The following USH2A variants were observed in gnomAD, a reference collection of about 807,000 sequenced individuals.
USH2A encodes Usher syndrome 2A (autosomal recessive, mild).
Under a neutral mutation model 538.9 loss-of-function variants are expected in USH2A, and 443 were observed. That is an observed-to-expected ratio of 0.82 (90% CI 0.76 to 0.89). The LOEUF (loss-of-function observed/expected upper bound fraction) is 0.89, where lower values mean the gene tolerates loss of function less well. USH2A is among the 40% of genes least tolerant of loss of function. The probability of loss-of-function intolerance (pLI) is 0.00; values close to 1 mark genes in which losing one functional copy is unlikely to be tolerated. For synonymous variants in USH2A, 2,413 were observed against 2,273.5 expected, an observed-to-expected ratio of 1.06 and a Z score of -1.75; for missense variants, 6,633 against 6,324.8, an observed-to-expected ratio of 1.05 and a Z score of -1.65.
At chr1:216,402,372 CAT>C (rs1341649711) in intron 3 of USH2A, among the ~76,000 whole-genome samples, 1 of 151,986 alleles carries the variant, frequency 6.6e-6, no homozygotes, top group Non-Finnish European at 1.5e-5. Flanking sequence ...ATTTCAAAAA[CAT>C]AGAACTGAAT....
Position 216,377,791 on chromosome 1 carries a change from GAGAAGGAAAGAAATAA to G in USH2A, c.652-12722_652-12707del, listed in dbSNP as rs777756490. Reference sequence around the variant, plus strand: ...AAGGAAAGAAATAAAAAGAAAGAAAGAGAAGGAAAGAAATAAAAAGAAAGAAAGAAAGAAAGAAAGA... The same window carrying G: ...AAGGAAAGAAATAAAAAGAAAGAAAGAAAGAAAGAAAGAAAGAAAGAAAGA... On this transcript the variant is annotated intron_variant, in intron 3 of 71. Transcript: ENST00000307340. 4.9e-3 allele frequency among the ~76,000 whole-genome samples: 114 copies of G among 23,188 alleles called. 1 individual carries two copies. The highest frequency in any genetic ancestry group is 0.042 in the East Asian group (11 of 260). The allele number at this position is 23,188 out of a possible 152,430, so 15.2% of individuals were successfully genotyped here.
chr1:215,692,537 T>C (rs970421551), intron 61 of USH2A, among the ~76,000 whole-genome samples: 2 of 152,112 alleles, frequency 1.3e-5, no homozygotes, highest in African/African-American at 4.8e-5. Context: ...GGCAAACTGA[T>C]ATGGGTGTGC....
At chr1:215,955,689 A>C (rs1050393787) in intron 37 of USH2A, among the ~76,000 whole-genome samples, 23 of 152,006 alleles carry the variant, frequency 1.5e-4, no homozygotes, top group African/African-American at 5.3e-4. Flanking sequence ...TTTTTTTCAT[A>C]AATAGCCCAC....
chr1:215,948,425 G>GATATATATATAT (rs143122492), intron 37 of USH2A, among the ~76,000 whole-genome samples: 10 of 144,598 alleles, frequency 6.9e-5, no homozygotes, highest in African/African-American at 1.5e-4. Context: ...TATTTGTTCA[G>GATATATATATAT]ATATATATAT....
chr1:216,411,653 G>A (rs1056803850), intron 3 of USH2A, among the ~76,000 whole-genome samples: 2 of 152,086 alleles, frequency 1.3e-5, no homozygotes, highest in East Asian at 1.9e-4. Flanking sequence ...TCTTTTCTGG[G>A]TTCCCGGCCT....
intron 60 of USH2A, among the ~76,000 whole-genome samples, chr1:215,738,802 A>G (rs1380748048): frequency 6.6e-6 from 1 of 152,144 alleles, no homozygotes. Flanking sequence ...GTGCCGATAG[A>G]AGAAAGAGAA....
intron 55 of USH2A, among the ~76,000 whole-genome samples, chr1:215,778,697 A>G (rs1482620094): frequency 1.3e-5 from 2 of 152,210 alleles, no homozygotes; most frequent in Non-Finnish European, 2.9e-5. Context: ...TCATCCACTC[A>G]GGAAGTCTTG....
chr1:215,845,528 G>T (rs2102822814), intron 45 of USH2A, among the ~76,000 whole-genome samples: 1 of 152,052 alleles, frequency 6.6e-6, no homozygotes, highest in Admixed American at 6.5e-5. Context: ...TAAAAAAAAA[G>T]TTTCTAAATG....
In USH2A at chr1:216,082,407, G is replaced by A. The variant is rs1488088570; in HGVS notation, c.5298+1049C>T. Among the ~76,000 whole-genome samples, 3 of 148,880 alleles carry A rather than the reference G, an allele frequency of 2.0e-5. 1 individual carries two copies. In the East Asian group the frequency reaches 5.9e-4, roughly 29 times the overall value. ...GAAATTTTAATAAATACTATGAAGGGATAAATTTCCATTTCCCTTCTTAGC... is the reference window on the plus strand; with the variant it reads ...GAAATTTTAATAAATACTATGAAGGAATAAATTTCCATTTCCCTTCTTAGC... On this transcript the variant is annotated intron_variant, in intron 26 of 71. Transcript: ENST00000307340.
At chr1:215,633,752 C>T (rs1402062858) in intron 70 of USH2A, among the ~76,000 whole-genome samples, 1 of 152,150 alleles carries the variant, frequency 6.6e-6, no homozygotes, top group African/African-American at 2.4e-5. Context: ...AGCCTTTCCT[C>T]CTCCAGGTAG....
At chr1:215,875,213 T>C (rs1265322064) in intron 43 of USH2A, among the ~76,000 whole-genome samples, 1 of 152,056 alleles carries the variant, frequency 6.6e-6, no homozygotes, top group Non-Finnish European at 1.5e-5. Flanking sequence ...TATGGACTTA[T>C]AAAGGGTAGA....
chr1:216,080,262 T>C (rs1358448685), intron 26 of USH2A, among the ~76,000 whole-genome samples: 1 of 152,060 alleles, frequency 6.6e-6, no homozygotes, highest in Non-Finnish European at 1.5e-5. Context: ...TTAAGGGTCT[T>C]GTAGTAGAAA....
chr1:215,713,103 G>A (rs1024105392), intron 61 of USH2A, among the ~76,000 whole-genome samples: 20 of 152,280 alleles, frequency 1.3e-4, no homozygotes, highest in Middle Eastern at 3.4e-3. Context: ...CACAGCGCCC[G>A]GCCAGAAGAA....
rs781223647 is a variant in USH2A, at chr1:216,422,150, G to A, written c.187C>T (p.Arg63Ter). ...PTQAVCGLPDRSTFCHSSAAA... is the reference protein window; with the variant it reads ...PTQAVCGLPD ...GCAGAGCTGTGACAAAAAGTGCTTC[G>A]GTCTGGGAGTCCACATACTGCTTGG... The change falls in exon 2 of 72, where the codon CGA becomes TGA. Residue 63 changes from arginine (R) to a stop codon, truncating the protein, a stop_gained. Transcript: ENST00000307340. LOFTEE classifies it high-confidence loss of function. 9.9e-6 allele frequency: 16 copies of A among 1,613,596 alleles called. No homozygotes were observed. Among genetic ancestry groups the A allele is most frequent in the South Asian group, 2.2e-5 (2 of 91,056 alleles).
chr1:215,787,512 A>G (rs780340394), intron 51 of USH2A, among the ~76,000 whole-genome samples: 6 of 152,136 alleles, frequency 3.9e-5, no homozygotes, highest in Non-Finnish European at 5.9e-5. Flanking sequence ...ATGGTTTTTG[A>G]TAAGTACCAC....
At position 215,759,662 on chromosome 1, in the gene USH2A, G is replaced by C; in HGVS notation, c.11229C>G (p.Ser3743Arg). 1 of 1,613,884 alleles carries C rather than the reference G, an allele frequency of 6.2e-7. No individual in the cohort carries two copies. Among genetic ancestry groups the C allele is most frequent in the Non-Finnish European group, 8.5e-7 (1 of 1,179,836 alleles). Residue 3743 changes from serine (S) to arginine (R), a missense_variant and splice_region_variant, in exon 57 of 72, where the codon AGC becomes AGG. Coordinates refer to ENST00000307340, the MANE Select transcript of USH2A (RefSeq NM_206933.4). ...NFTDKNLEPNSRYTYKLEVKT... is the reference protein window; with the variant it reads ...NFTDKNLEPNRRYTYKLEVKT... ...GGTAAAGTTTTCTTTTAGTTTACCTGCTATTGGGCTCCAGGTTTTTATCAG... is the reference window on the plus strand; with the variant it reads ...GGTAAAGTTTTCTTTTAGTTTACCTCCTATTGGGCTCCAGGTTTTTATCAG...
chr1:216,123,449 T>C (rs1267954439), intron 21 of USH2A, among the ~76,000 whole-genome samples: 4 of 152,226 alleles, frequency 2.6e-5, no homozygotes, highest in Non-Finnish European at 4.4e-5. Flanking sequence ...CTCAGTTTCC[T>C]AAGCATTTCC....
intron 70 of USH2A, among the ~76,000 whole-genome samples, chr1:215,631,147 A>G (rs965289466): frequency 5.3e-5 from 8 of 152,128 alleles, no homozygotes; most frequent in Admixed American, 4.6e-4. Context: ...TTCAAAGGGT[A>G]TCTTACCTGT....
At chr1:215,844,228 G>T in intron 46 of USH2A, 66 bp downstream of exon 46, 2 of 1,499,676 alleles carry the variant, frequency 1.3e-6, no homozygotes, top group Non-Finnish European at 1.8e-6. Flanking sequence ...TCCACTTGAA[G>T]ACATAGCCTG....
Sources: allele counts gnomAD v4.1 joint callset (sites outside exome capture counted in the v4.1 genomes callset), GRCh38; gene constraint gnomAD v4.1.1; transcripts MANE v1.5; gene names NCBI Gene and HGNC (gene_info 2026-07-23, HGNC 2026-07-21).